Variants in KIAA1328 observed in about 807,000 individuals in gnomAD.
KIAA1328 encodes the protein protein hinderin.
KIAA1328 carries 52 observed loss-of-function variants against 68.1 expected under a neutral mutation model. The ratio of observed to expected loss-of-function variants is 0.76; its 90% CI spans 0.61 to 0.96. The LOEUF is 0.96. Ranked by LOEUF, KIAA1328 falls within the 40% of genes least tolerant of loss-of-function variation. The pLI is 0.00. For synonymous variants in KIAA1328, 232 were observed against 239.4 expected (o/e 0.97, Z 0.28); for missense variants, 641 against 677.6 (o/e 0.95, Z 0.60).
intron 3 of KIAA1328, among the ~76,000 whole-genome samples, chr18:36,842,816 T>G (rs562023991): frequency 1.3e-5 from 2 of 152,244 alleles, no homozygotes; most frequent in East Asian, 3.9e-4. Flanking sequence ...CTATTTGTCT[T>G]TTTTAATCAT....
At position 36,922,636 on chromosome 18, in the gene KIAA1328, A is replaced by G. The variant is rs141849356; in HGVS notation, c.449-36672A>G. 1.7e-3 allele frequency among the ~76,000 whole-genome samples: 260 copies of G among 152,308 alleles called. 1 individual carries two copies. Among genetic ancestry groups the G allele is most frequent in the African/African-American group, 6.1e-3 (254 of 41,568 alleles). On this transcript the variant is annotated intron_variant, in intron 5 of 9. Transcript: ENST00000280020. ...CTATGAATGCCATTCTGAATTGGTT[A>G]CTAAAAATGTTTATATTTAGACCTG...
chr18:37,160,170 TCAA>T, intron 7 of KIAA1328, 27 bp from the exon 8 acceptor site: 1 of 1,588,878 alleles, frequency 6.3e-7, no homozygotes, highest in Non-Finnish European at 8.6e-7. Context: ...TTCTGTGCCT[TCAA>T]CAGTTCATTC....
intron 5 of KIAA1328, among the ~76,000 whole-genome samples, chr18:36,893,209 C>T (rs766695829): frequency 1.3e-4 from 20 of 152,116 alleles, no homozygotes; most frequent in Admixed American, 1.3e-4. Context: ...AGGCACTCCT[C>T]ACCCACTCCA....
At chr18:37,099,018 A>G (rs1037709286) in intron 7 of KIAA1328, among the ~76,000 whole-genome samples, 1 of 152,162 alleles carries the variant, frequency 6.6e-6, no homozygotes, top group Non-Finnish European at 1.5e-5. Context: ...ATCTTGTCAA[A>G]AAAACGGCTC....
At chr18:37,164,587 A>T (rs1288563676) in intron 8 of KIAA1328, among the ~76,000 whole-genome samples, 2 of 152,150 alleles carry the variant, frequency 1.3e-5, no homozygotes, top group Admixed American at 1.3e-4. Context: ...TCTACTAAAA[A>T]TAGAAAGAGT....
chr18:37,109,883 T>A (rs1278824236), intron 7 of KIAA1328, among the ~76,000 whole-genome samples: 1 of 152,080 alleles, frequency 6.6e-6, no homozygotes, highest in Non-Finnish European at 1.5e-5. Flanking sequence ...TTCCCAAATT[T>A]ATTTGGAATG....
chr18:37,219,736 G>A (rs572209451), intron 9 of KIAA1328, among the ~76,000 whole-genome samples: 1 of 152,246 alleles, frequency 6.6e-6, no homozygotes, highest in Admixed American at 6.5e-5. Flanking sequence ...TGCCTGTCAT[G>A]GCTTCCCTTG....
intron 6 of KIAA1328, among the ~76,000 whole-genome samples, chr18:37,064,669 G>T (rs1210522020): frequency 6.6e-6 from 1 of 151,854 alleles, no homozygotes; most frequent in Non-Finnish European, 1.5e-5. Flanking sequence ...GTATTACCCA[G>T]GTAGGCCCAA....
At position 37,076,645 on chromosome 18, in the gene KIAA1328, A is replaced by G. The variant is rs902815474; in HGVS notation, c.1232+9100A>G. On this transcript the variant is annotated intron_variant, in intron 7 of 9. Transcript: ENST00000280020. ...AAATAGATGCAATAAAAAATGATCA[A>G]GGGGATATCACCACCAATCCCACAG... is the stretch of plus-strand genomic sequence containing the variant. 4.6e-5 allele frequency among the ~76,000 whole-genome samples: 7 copies of G among 151,870 alleles called. 1 individual carries two copies. The highest frequency in any genetic ancestry group is 1.3e-4 in the Admixed American group (2 of 15,244).
intron 9 of KIAA1328, among the ~76,000 whole-genome samples, chr18:37,196,302 C>T (rs1054301195): frequency 1.3e-5 from 2 of 152,078 alleles, no homozygotes; most frequent in Admixed American, 6.6e-5. Flanking sequence ...ATTGCTCTGG[C>T]TAAGACTTCC....
chr18:36,842,939 C>G (rs2046908712), intron 3 of KIAA1328, among the ~76,000 whole-genome samples: 1 of 152,040 alleles, frequency 6.6e-6, no homozygotes, highest in South Asian at 2.1e-4. Context: ...TTAAATTAAA[C>G]TAAAATCCAA....
chr18:37,220,632 A>T (rs1351418001), intron 9 of KIAA1328, among the ~76,000 whole-genome samples: 1 of 152,206 alleles, frequency 6.6e-6, no homozygotes, highest in African/African-American at 2.4e-5. Context: ...TAATGCTAGC[A>T]GTTCCTATCC....
chr18:37,168,300 G>T lies in KIAA1328; in HGVS notation c.1415-4673G>T, dbSNP rs969342939. Among the ~76,000 whole-genome samples the T allele has an allele frequency of 3.9e-5, 6 of 152,316 alleles. No homozygotes were observed. The East Asian group carries it at 1.2e-3, about 29-fold the overall frequency. On this transcript the variant is annotated intron_variant, in intron 8 of 9. Transcript: ENST00000280020. ...ACAGAACAGAAGTGGCACATATAAT[G>T]TCCACTGGCTTTCCACCTTACCACA...
Position 37,147,214 on chromosome 18 carries a change from G to A in KIAA1328, c.1233-12986G>A, listed in dbSNP as rs2058922138. Among the ~76,000 whole-genome samples, 4 of 152,132 alleles carry A rather than the reference G, an allele frequency of 2.6e-5. No homozygotes were observed. The South Asian group carries it at 8.3e-4, about 32-fold the overall frequency. On this transcript the variant is annotated intron_variant, in intron 7 of 9. Coordinates refer to ENST00000280020, the MANE Select transcript of KIAA1328 (RefSeq NM_020776.3). ...TACTTTAAGAATTAATGAGTCTCAG[G>A]CATTCCTTTATAGCAACACAAAACA...
intron 5 of KIAA1328, among the ~76,000 whole-genome samples, chr18:36,903,108 A>T (rs899162424): frequency 6.6e-6 from 1 of 152,096 alleles, no homozygotes; most frequent in East Asian, 1.9e-4. Context: ...CATGTTTATC[A>T]TGGAATATTT....
In KIAA1328 at chr18:36,844,314, C is replaced by T. The variant is rs376746767; in HGVS notation, c.332+12C>T. The T allele has an allele frequency of 5.3e-6, 8 of 1,517,956 alleles. No individual in the cohort carries two copies. The highest frequency in any genetic ancestry group is 7.1e-6 in the Non-Finnish European group (8 of 1,122,030). The allele number at this position is 1,517,956 out of a possible 1,614,324, so 94.0% of individuals were successfully genotyped here. Reference sequence around the variant, plus strand: ...AAAGAACTGGCCAGGTGAGATAAAACCTTATATGAAATGATTTATTATACA... The same window carrying T: ...AAAGAACTGGCCAGGTGAGATAAAATCTTATATGAAATGATTTATTATACA... On this transcript the variant is annotated intron_variant, in intron 4 of 9. Coordinates refer to ENST00000280020, the MANE Select transcript of KIAA1328 (RefSeq NM_020776.3).
chr18:37,023,125 G>C (rs1163395532), intron 6 of KIAA1328, among the ~76,000 whole-genome samples: 1 of 152,146 alleles, frequency 6.6e-6, no homozygotes, highest in Non-Finnish European at 1.5e-5. Context: ...CAACTTTCTG[G>C]GCTCAAGTGA....
At chr18:36,906,680 A>C (rs2049235704) in intron 5 of KIAA1328, among the ~76,000 whole-genome samples, 1 of 152,120 alleles carries the variant, frequency 6.6e-6, no homozygotes, top group Non-Finnish European at 1.5e-5. Context: ...AGTGTGTAAT[A>C]ATAATGCACT....
chr18:36,864,354 T>G (rs1280144706), intron 4 of KIAA1328, among the ~76,000 whole-genome samples: 2 of 149,432 alleles, frequency 1.3e-5, no homozygotes, highest in African/African-American at 2.5e-5. Context: ...CAGGCTGGAG[T>G]GCAGTGGCAC....
Sources: allele counts gnomAD v4.1 joint callset (sites outside exome capture counted in the v4.1 genomes callset), GRCh38; gene constraint gnomAD v4.1.1; transcripts MANE v1.5; gene names NCBI Gene and HGNC (gene_info 2026-07-23, HGNC 2026-07-21).